Variants in ATG2B observed in about 807,000 individuals in gnomAD.
ATG2B encodes the protein autophagy-related protein 2 homolog B.
ATG2B carries 121 observed loss-of-function variants against 241.3 expected under a neutral mutation model. That is an observed-to-expected ratio of 0.50 (90% CI 0.43 to 0.58). ATG2B has a LOEUF of 0.58. Ranked by LOEUF, ATG2B falls within the 20% of genes least tolerant of loss-of-function variation. The probability of loss-of-function intolerance (pLI) is 0.00; values close to 1 mark genes in which losing one functional copy is unlikely to be tolerated. For synonymous variants in ATG2B, 858 were observed against 876.6 expected, an observed-to-expected ratio of 0.98 and a Z score of 0.37; for missense variants, 2,306 against 2,491.6, an observed-to-expected ratio of 0.93 and a Z score of 1.59.
At position 96,335,465 on chromosome 14, in the gene ATG2B, T is replaced by C. The variant is rs576274705; in HGVS notation, c.925-964A>G. Among the ~76,000 whole-genome samples the C allele has an allele frequency of 6.8e-4, 103 of 152,314 alleles. 1 individual carries two copies. Among genetic ancestry groups the C allele is most frequent in the African/African-American group, 2.3e-3 (94 of 41,578 alleles). On this transcript the variant is annotated intron_variant, in intron 6 of 41. Transcript: ENST00000359933. ...ATTATTATCACTTTTATTTTTAGCA[T>C]TGGGGTACCATGCTAAGTGCTTTTA...
rs1231727101 is a variant in ATG2B at position 96,347,251 on chromosome 14, A to G, written c.253T>C (p.Ser85Pro). Residue 85 changes from serine (S) to proline (P), a missense_variant, in exon 2 of 42, where the codon TCT becomes CCT. By Grantham distance (74) the Ser-to-Pro change is moderately conservative. Around this residue, in one of 2 missense-constraint regions of ATG2B, gnomAD observed 1,927 missense variants for 2,011.2 expected, o/e 0.96. Transcript: ENST00000359933. The stretch of plus-strand genomic sequence containing the variant: ...AGTGCACAATTATCCTGCAGTAAAG[A>G]GCCCCATGGAACTGACAGGGAAATT... The part of the protein sequence containing the change: ...QSISLSVPWG[S>P]LLQDNCALEV... The G allele has an allele frequency of 1.2e-6, 2 of 1,612,246 alleles. No homozygotes were observed. Among genetic ancestry groups the G allele is most frequent in the Middle Eastern group, 3.3e-4 (2 of 6,054 alleles).
Position 96,325,751 on chromosome 14 carries a change from T to A in ATG2B, c.2335A>T (p.Ile779Phe), listed in dbSNP as rs376377234. Residue 779 changes from isoleucine to phenylalanine, a missense_variant, in exon 15 of 42, where the codon ATC (isoleucine) becomes TTC (phenylalanine). Physicochemically the swap from Ile to Phe is conservative, Grantham distance 21 (BLOSUM62 0). This residue lies in a region of ATG2B where 1,927 missense variants were observed against 2,011.2 expected (regional missense o/e 0.96). Coordinates refer to ENST00000359933, the MANE Select transcript of ATG2B (RefSeq NM_018036.7). ...AGATCTGTGAAGGCTAAATAAAGGA[T>A]CTCCTTCTGAAGTGACTTCTTAAAC... ...PWFKKSLQKE[I>F]LYLAFTDLEF... is the part of the protein sequence containing the mutation. The A allele has an allele frequency of 5.0e-6, 8 of 1,613,824 alleles. No homozygotes were observed. The African/African-American group carries it at 1.1e-4, about 22-fold the overall frequency.
Position 96,290,659 on chromosome 14 carries a change from GT to G in ATG2B, c.5702-70del. 2.5e-6 allele frequency: 4 copies of G among 1,586,504 alleles called. No individual in the cohort carries two copies. Among genetic ancestry groups the G allele is most frequent in the Non-Finnish European group, 3.4e-6 (4 of 1,164,822 alleles). On this transcript the variant is annotated intron_variant, in intron 39 of 41. Transcript: ENST00000359933. The surrounding 1 kb of genome is among the most constrained non-coding windows in gnomAD (Gnocchi z 4.4). Reference sequence around the variant, plus strand: ...ACTTTTCTATCATTCTAACCCTGGGGTTTTTAACTCCTAAAACTGGAGGCAA... The same window carrying G: ...ACTTTTCTATCATTCTAACCCTGGGGTTTTAACTCCTAAAACTGGAGGCAA...
chr14:96,311,363 A>G, intron 27 of ATG2B, 76 bp from the exon 28 acceptor site: 1 of 1,359,528 alleles, frequency 7.4e-7, no homozygotes, highest in South Asian at 1.4e-5. Flanking sequence ...ATAGATTTAC[A>G]TTAAATAAGA....
At chr14:96,351,199 G>A (rs1595334569) in intron 1 of ATG2B, among the ~76,000 whole-genome samples, 1 of 152,282 alleles carries the variant, frequency 6.6e-6, no homozygotes, top group Middle Eastern at 3.4e-3. Flanking sequence ...TGTGTGCCGA[G>A]CCCTGCTGAA....
chr14:96,362,762 G>C, intron 1 of ATG2B, 53 bp downstream of exon 1: 1 of 1,550,238 alleles, frequency 6.5e-7, no homozygotes, highest in Middle Eastern at 2.0e-4. Flanking sequence ...CTGGTTCAAA[G>C]CGCCCTAAAG....
intron 6 of ATG2B, among the ~76,000 whole-genome samples, chr14:96,335,153 T>A (rs185807322): frequency 3.6e-4 from 55 of 152,334 alleles, no homozygotes; most frequent in African/African-American, 1.3e-3. Context: ...GATTCCTGAA[T>A]ACTCTGACAA....
At position 96,315,531 on chromosome 14, in the gene ATG2B, G is replaced by A; in HGVS notation, c.3414C>T (p.Thr1138=). The A allele has an allele frequency of 6.2e-7, 1 of 1,614,152 alleles. No homozygotes were observed. Among genetic ancestry groups the A allele is most frequent in the South Asian group, 1.1e-5 (1 of 91,074 alleles). The change falls in exon 22 of 42, where the codon ACC becomes ACT. Residue 1138 remains threonine (T), a synonymous_variant. Coordinates refer to ENST00000359933, the MANE Select transcript of ATG2B (RefSeq NM_018036.7). ...LPTETRLPSS[T]RPHWLEPTIY... is the part of the protein sequence containing the mutation. ...TAGTAGGTTCCAACCAGTGTGGGCG[G>A]GTTGAGCTGGGAAGTCGTGTTTCTG... is the stretch of plus-strand genomic sequence containing the variant.
At chr14:96,352,704 A>G (rs1303930461) in intron 1 of ATG2B, among the ~76,000 whole-genome samples, 1 of 152,198 alleles carries the variant, frequency 6.6e-6, no homozygotes, top group African/African-American at 2.4e-5. Context: ...TGTGTGTTTA[A>G]GCTAAATGTT....
intron 1 of ATG2B, among the ~76,000 whole-genome samples, 180 bp from the exon 2 acceptor site, chr14:96,347,521 CACAATT>C (rs1888202138): frequency 6.6e-6 from 1 of 152,100 alleles, no homozygotes; most frequent in Admixed American, 6.5e-5. Context: ...CAGCAAAGGA[CACAATT>C]AACAAAGTGA....
Position 96,289,098 on chromosome 14 carries a change from C to A in ATG2B, c.6006+558G>T, listed in dbSNP as rs551204964. 6.6e-5 allele frequency among the ~76,000 whole-genome samples: 10 copies of A among 152,240 alleles called. No homozygotes were observed. The South Asian group carries it at 2.1e-3, about 32-fold the overall frequency. On this transcript the variant is annotated intron_variant, in intron 41 of 41. Transcript: ENST00000359933. This position sits in a 1 kb window ranked among gnomAD's most constrained non-coding sequence, Gnocchi z 4.3. The stretch of plus-strand genomic sequence containing the variant: ...TACATGGATTAAGATTAACATGGAT[C>A]TATCTTGAAATAAGTTGCAGAATGA...
At chr14:96,357,683 AG>A (rs1395708545) in intron 1 of ATG2B, among the ~76,000 whole-genome samples, 1 of 142,448 alleles carries the variant, frequency 7.0e-6, no homozygotes, top group African/African-American at 2.5e-5. Context: ...ATTTTTTCAT[AG>A]TTTTTTTTTT....
rs1342844448 is a variant in ATG2B, at chr14:96,362,998, T to C, written c.-22A>G. 2 of 1,611,608 alleles carry C rather than the reference T, an allele frequency of 1.2e-6. No individual in the cohort carries two copies. Among genetic ancestry groups the C allele is most frequent in the East Asian group, 2.2e-5 (1 of 44,848 alleles). On this transcript the variant is annotated 5_prime_UTR_variant, in exon 1 of 42. Transcript: ENST00000359933. ...GCATAGTGACTGCTGGCAGCTGGGCTGACTGCGGCTGCGGGTTGCGACGGC... is the reference window on the plus strand; with the variant it reads ...GCATAGTGACTGCTGGCAGCTGGGCCGACTGCGGCTGCGGGTTGCGACGGC...
chr14:96,292,795 C>T (rs1190824790), intron 36 of ATG2B, among the ~76,000 whole-genome samples: 2 of 152,268 alleles, frequency 1.3e-5, no homozygotes, highest in Admixed American at 6.5e-5. Context: ...ATACAGTTGT[C>T]CCTTGGTTTC....
At chr14:96,295,947 A>G (rs565488422) in intron 34 of ATG2B, among the ~76,000 whole-genome samples, 152 of 152,240 alleles carry the variant, frequency 1.0e-3, no homozygotes, top group Non-Finnish European at 1.4e-3. Flanking sequence ...ATTACCAACA[A>G]TCATGTGCTG....
chr14:96,335,735 C>T (rs1887853128), intron 6 of ATG2B, among the ~76,000 whole-genome samples: 1 of 152,122 alleles, frequency 6.6e-6, no homozygotes, highest in Non-Finnish European at 1.5e-5. Context: ...CAACCTAAGG[C>T]TGAGAGGAGA....
intron 18 of ATG2B, among the ~76,000 whole-genome samples, chr14:96,321,028 C>A (rs1422779204): frequency 2.0e-5 from 3 of 151,866 alleles, no homozygotes; most frequent in East Asian, 1.9e-4. Context: ...TAAAGTTAAA[C>A]GTAAGTGATA....
In ATG2B at chr14:96,285,278, T is replaced by C. The variant is rs1886303976; in HGVS notation, c.*477A>G. On this transcript the variant is annotated 3_prime_UTR_variant, in exon 42 of 42. Transcript: ENST00000359933. This position sits in a 1 kb window ranked among gnomAD's most constrained non-coding sequence, Gnocchi z 4.2. Reference sequence around the variant, plus strand: ...TGCATGAACACTAAATTCAACAGAATAGGTTATTTTTCCACACTGATATTT... The same window carrying C: ...TGCATGAACACTAAATTCAACAGAACAGGTTATTTTTCCACACTGATATTT... The C allele has an allele frequency of 6.3e-6, 1 of 158,600 alleles. No homozygotes were observed. The highest frequency in any genetic ancestry group is 2.4e-5 in the African/African-American group (1 of 41,514). The allele number at this position is 158,600 out of a possible 1,614,324, so 9.8% of individuals were successfully genotyped here.
intron 36 of ATG2B, among the ~76,000 whole-genome samples, chr14:96,294,345 C>T (rs571158411): frequency 2.0e-5 from 3 of 152,294 alleles, no homozygotes; most frequent in South Asian, 4.2e-4. Flanking sequence ...TCCCTACCAT[C>T]CAGTTTTGGA....
Sources: gnomAD v4.1 joint callset for allele counts (sites outside exome capture counted in the v4.1 genomes callset) on GRCh38, gnomAD v4.1.1 for gene constraint, gnomAD v4.1.1 regional missense constraint, Gnocchi (gnomAD v3.1) non-coding constraint, MANE v1.5 for transcripts, NCBI Gene and HGNC (gene_info 2026-07-23, HGNC 2026-07-21) for gene names.